The following CACNB4 variants were observed in gnomAD, a reference collection of about 807,000 sequenced individuals.
The protein encoded by CACNB4 is voltage-dependent L-type calcium channel subunit beta-4.
In CACNB4, 32 loss-of-function variants were observed where a neutral mutation model predicts 71.2. That is an observed-to-expected ratio of 0.45 (90% CI 0.34 to 0.60). The LOEUF is 0.60. Among genes scored for constraint, CACNB4 ranks in the 20% least tolerant of loss-of-function variants. CACNB4 has a pLI of 0.01. For synonymous variants in CACNB4, 231 were observed against 236.9 expected (o/e 0.97, Z 0.23); for missense variants, 464 against 647.9 (o/e 0.72, Z 3.08).
At chr2:151,911,440 G>C (rs546459067) in intron 2 of CACNB4, among the ~76,000 whole-genome samples, 123 of 152,240 alleles carry the variant, frequency 8.1e-4, no homozygotes, top group Admixed American at 3.6e-3. Context: ...CTGCGGGTTT[G>C]TTATAAATAG....
chr2:151,975,864 C>T (rs1445996413), intron 2 of CACNB4, among the ~76,000 whole-genome samples: 2 of 152,144 alleles, frequency 1.3e-5, no homozygotes, highest in South Asian at 2.1e-4. Flanking sequence ...AGATATTCCC[C>T]GATTGTGTTA....
At chr2:152,093,400 G>GGTGTGTGTGTGTGTGTGTGTGT (rs34845177) in intron 2 of CACNB4, among the ~76,000 whole-genome samples, 3 of 146,648 alleles carry the variant, frequency 2.0e-5, no homozygotes, top group East Asian at 2.0e-4. Context: ...GCTGTTTTTT[G>GGTGTGTGTGTGTGTGTGTGTGT]GTGTGTGTGT....
intron 9 of CACNB4, among the ~76,000 whole-genome samples, chr2:151,863,321 C>T (rs1418344969): frequency 6.6e-6 from 1 of 152,170 alleles, no homozygotes; most frequent in African/African-American, 2.4e-5. Context: ...CCACCTCAGC[C>T]TTCCAAAGCA....
intron 2 of CACNB4, among the ~76,000 whole-genome samples, chr2:152,065,827 C>T (rs899306589): frequency 2.0e-5 from 3 of 152,148 alleles, no homozygotes; most frequent in African/African-American, 7.2e-5. Flanking sequence ...CTGCAACCTC[C>T]AATTCCTGGG....
intron 2 of CACNB4, among the ~76,000 whole-genome samples, chr2:152,065,601 A>G (rs1357463971): frequency 6.6e-6 from 1 of 152,232 alleles, no homozygotes. Flanking sequence ...GCTCTTGGCT[A>G]TAGTGTTTAA....
chr2:151,991,206 C>CTCA (rs889486163), intron 2 of CACNB4, among the ~76,000 whole-genome samples: 6 of 152,168 alleles, frequency 3.9e-5, no homozygotes, highest in African/African-American at 1.4e-4. Context: ...AGGTGAGCAG[C>CTCA]TCATCACCTT....
At chr2:152,063,425 T>C (rs1686126120) in intron 2 of CACNB4, among the ~76,000 whole-genome samples, 1 of 152,084 alleles carries the variant, frequency 6.6e-6, no homozygotes, top group South Asian at 2.1e-4. Flanking sequence ...GTGCCCAGGG[T>C]CCCACAGTTA....
At chr2:151,853,123 T>C in intron 12 of CACNB4, 1 of 231,528 alleles carries the variant, frequency 4.3e-6, no homozygotes, top group South Asian at 7.0e-5. Flanking sequence ...GTATGTTTTC[T>C]TTTGTTCTTT....
chr2:152,052,833 T>A (rs1685517476), intron 2 of CACNB4, among the ~76,000 whole-genome samples: 1 of 151,490 alleles, frequency 6.6e-6, no homozygotes, highest in African/African-American at 2.4e-5. Flanking sequence ...CAAAAAAAAA[T>A]TGGCTGGGCG....
chr2:151,994,621 C>T (rs536247721), intron 2 of CACNB4, among the ~76,000 whole-genome samples: 2 of 152,144 alleles, frequency 1.3e-5, no homozygotes, highest in African/African-American at 4.8e-5. Context: ...AAGCAATTCT[C>T]GTGCCTCAGC....
rs142094130 is a variant in CACNB4 at position 152,013,271 on chromosome 2, T to A, written c.147+85059A>T. 2.8e-3 allele frequency among the ~76,000 whole-genome samples: 432 copies of A among 152,310 alleles called. 1 individual carries two copies. The highest frequency in any genetic ancestry group is 4.5e-3 in the Non-Finnish European group (307 of 68,018). On this transcript the variant is annotated intron_variant, in intron 2 of 13. Transcript: ENST00000539935. ...TGGTACATGACTGTACAGAGTTTTA[T>A]CACATAACTCATTTGGACAGAATAT...
Position 151,845,330 on chromosome 2 carries a change from A to C in CACNB4, c.1117-3242T>G, listed in dbSNP as rs191824514. On this transcript the variant is annotated intron_variant, in intron 12 of 13. Coordinates refer to ENST00000539935, the MANE Select transcript of CACNB4 (RefSeq NM_000726.5). Reference sequence around the variant, plus strand: ...CTTTCAAAAAACACAGAGAAAAGCAAATTTCTGCTTCTGAATGAATACTGA... The same window carrying C: ...CTTTCAAAAAACACAGAGAAAAGCACATTTCTGCTTCTGAATGAATACTGA... Among the ~76,000 whole-genome samples, 33 of 152,318 alleles carry C rather than the reference A, an allele frequency of 2.2e-4. 2 individuals are homozygous for C. Among genetic ancestry groups the C allele is most frequent in the African/African-American group, 7.2e-4 (30 of 41,570 alleles).
At chr2:152,060,716 G>A (rs553106513) in intron 2 of CACNB4, among the ~76,000 whole-genome samples, 29 of 151,734 alleles carry the variant, frequency 1.9e-4, no homozygotes, top group Non-Finnish European at 4.0e-4. Flanking sequence ...AGCAACAGGG[G>A]CAAGTTAAAT....
At chr2:151,937,921 T>G (rs1307645093) in intron 2 of CACNB4, among the ~76,000 whole-genome samples, 1 of 152,210 alleles carries the variant, frequency 6.6e-6, no homozygotes, top group Admixed American at 6.5e-5. Context: ...TGCTGGAACA[T>G]CTGCAGGGCT....
chr2:152,016,121 C>T lies in CACNB4; in HGVS notation c.147+82209G>A, dbSNP rs1027261339. On this transcript the variant is annotated intron_variant, in intron 2 of 13. Coordinates refer to ENST00000539935, the MANE Select transcript of CACNB4 (RefSeq NM_000726.5). ...AACTATATAGTGCATCTGCTATAAA[C>T]GACAAAGTGAAACATCAGCTATTCA... Among the ~76,000 whole-genome samples, 83 of 152,108 alleles carry T rather than the reference C, an allele frequency of 5.5e-4. 1 individual carries two copies. The highest frequency in any genetic ancestry group is 3.1e-4 in the Non-Finnish European group (21 of 68,018).
At chr2:151,947,596 TGCCA>T (rs1207027697) in intron 2 of CACNB4, among the ~76,000 whole-genome samples, 2 of 152,114 alleles carry the variant, frequency 1.3e-5, no homozygotes, top group African/African-American at 2.4e-5. Flanking sequence ...TCAAAAGCGC[TGCCA>T]GAAACGTTTA....
intron 2 of CACNB4, among the ~76,000 whole-genome samples, chr2:152,032,839 G>A (rs1330676487): frequency 6.6e-6 from 1 of 152,060 alleles, no homozygotes; most frequent in East Asian, 1.9e-4. Flanking sequence ...CTATAGTCCT[G>A]GCTACTCAGG....
chr2:151,992,480 T>C (rs1681764320), intron 2 of CACNB4, among the ~76,000 whole-genome samples: 1 of 152,238 alleles, frequency 6.6e-6, no homozygotes, highest in African/African-American at 2.4e-5. Flanking sequence ...GTTGTTAGCA[T>C]GTAACTATGG....
chr2:152,019,430 T>G (rs1178772207), intron 2 of CACNB4, among the ~76,000 whole-genome samples: 1 of 152,146 alleles, frequency 6.6e-6, no homozygotes, highest in Non-Finnish European at 1.5e-5. Context: ...TATTCTCAGA[T>G]TTTGAGCTCC....
Sources: allele counts gnomAD v4.1 joint callset (sites outside exome capture counted in the v4.1 genomes callset), GRCh38; gene constraint gnomAD v4.1.1; transcripts MANE v1.5; gene names NCBI Gene and HGNC (gene_info 2026-07-23, HGNC 2026-07-21).